The following KIF3B variants were observed in gnomAD, a reference collection of about 807,000 sequenced individuals.
KIF3B encodes kinesin family member 3B, also known as kinesin-like protein KIF3B.
A neutral mutation model predicts 74.3 loss-of-function variants in KIF3B; 38 were observed. That is an observed-to-expected ratio of 0.51 (90% CI 0.39 to 0.67). The LOEUF (loss-of-function observed/expected upper bound fraction) is 0.67, where lower values mean the gene tolerates loss of function less well. Ranked by LOEUF, KIF3B falls within the 30% of genes least tolerant of loss-of-function variation. The pLI, the probability that KIF3B is intolerant of heterozygous loss-of-function variation, is 0.00. For synonymous variants in KIF3B, 326 were observed against 342.5 expected (o/e 0.95, Z 0.53); for missense variants, 649 against 932.0 (o/e 0.70, Z 3.95).
At chr20:32,296,392 C>T (rs193186764) in intron 1 of KIF3B, among the ~76,000 whole-genome samples, 33 of 152,016 alleles carry the variant, frequency 2.2e-4, no homozygotes, top group African/African-American at 8.0e-4. Context: ...CACCTGAGGC[C>T]GGGAGTTCAA....
chr20:32,326,683 C>G (rs1040238249), intron 5 of KIF3B, 88 bp from the exon 6 acceptor site: 1 of 679,974 alleles, frequency 1.5e-6, no homozygotes, highest in African/African-American at 1.8e-5. Context: ...TTGACTCTTA[C>G]CTGATTACTC....
intron 7 of KIF3B, 43 bp downstream of exon 7, chr20:32,327,704 G>A (rs1274884702): frequency 6.8e-7 from 1 of 1,476,994 alleles, no homozygotes; most frequent in African/African-American, 1.4e-5. Context: ...CTCTTTTGGA[G>A]TCTAGATTTG....
At chr20:32,291,309 A>T (rs1417980266) in intron 1 of KIF3B, among the ~76,000 whole-genome samples, 1 of 152,062 alleles carries the variant, frequency 6.6e-6, no homozygotes, top group Non-Finnish European at 1.5e-5. Flanking sequence ...CATTGGTTAG[A>T]GGGTGATTTT....
chr20:32,310,904 G>T lies in KIF3B; in HGVS notation c.1127G>T (p.Arg376Met), dbSNP rs2047796734. 6.2e-7 allele frequency: 1 copy of T among 1,613,890 alleles called. No individual in the cohort carries two copies. The highest frequency in any genetic ancestry group is 8.5e-7 in the Non-Finnish European group (1 of 1,180,006). Reference protein sequence around the residue: ...KAQLEKRSIGRRKRREKRREG... With the variant: ...KAQLEKRSIGMRKRREKRREG... ...CAGCTGGAAAAACGGTCCATTGGTA[G>T]GAGGAAGAGGCGAGAGAAGCGGAGG... The change falls in exon 2 of 9, where the codon AGG becomes ATG. Residue 376 changes from arginine (R) to methionine (M), a missense_variant. Around this residue, in one of 4 missense-constraint regions of KIF3B, gnomAD observed 363 missense variants for 592.8 expected, o/e 0.61. Coordinates refer to ENST00000375712, the MANE Select transcript of KIF3B (RefSeq NM_004798.4). This position sits in a 1 kb window ranked among gnomAD's most constrained non-coding sequence, Gnocchi z 6.5.
intron 1 of KIF3B, among the ~76,000 whole-genome samples, chr20:32,286,812 A>G (rs2047669193): frequency 6.6e-6 from 1 of 152,178 alleles, no homozygotes; most frequent in Non-Finnish European, 1.5e-5. Flanking sequence ...ATTATGAGTA[A>G]TGCTTCAGAG....
Position 32,292,784 on chromosome 20 carries a change from T to C in KIF3B, c.-66+15019T>C, listed in dbSNP as rs368449009. On this transcript the variant is annotated intron_variant, in intron 1 of 8. Coordinates refer to ENST00000375712, the MANE Select transcript of KIF3B (RefSeq NM_004798.4). Reference sequence around the variant, plus strand: ...GAAAAACAACAGAATGTGAAGACCTTGACTCTTAAAAAACAATAGAATGTG... The same window carrying C: ...GAAAAACAACAGAATGTGAAGACCTCGACTCTTAAAAAACAATAGAATGTG... 7.9e-4 allele frequency among the ~76,000 whole-genome samples: 120 copies of C among 151,432 alleles called. 1 individual carries two copies. The highest frequency in any genetic ancestry group is 2.8e-3 in the African/African-American group (114 of 41,238).
At chr20:32,283,207 A>T (rs995019071) in intron 1 of KIF3B, among the ~76,000 whole-genome samples, 9 of 151,130 alleles carry the variant, frequency 6.0e-5, no homozygotes, top group South Asian at 2.1e-4. Flanking sequence ...TGGCTAATTT[A>T]AAAAAAAATG....
At chr20:32,316,028 G>A (rs1470629880) in intron 2 of KIF3B, among the ~76,000 whole-genome samples, 190 bp from the exon 3 acceptor site, 2 of 152,132 alleles carry the variant, frequency 1.3e-5, no homozygotes, top group Non-Finnish European at 2.9e-5. Flanking sequence ...TTACCAAGAA[G>A]CCTCTAGTGA....
intron 1 of KIF3B, among the ~76,000 whole-genome samples, chr20:32,304,445 T>C (rs1330347004): frequency 6.6e-6 from 1 of 152,228 alleles, no homozygotes; most frequent in Non-Finnish European, 1.5e-5. Context: ...GCAATTCCAC[T>C]TCTAGGAATT....
At position 32,326,802 on chromosome 20, in the gene KIF3B, G is replaced by A. The variant is rs775525939; in HGVS notation, c.1780G>A (p.Glu594Lys). The change falls in exon 6 of 9, where the codon GAA (glutamate) becomes AAA (lysine). Residue 594 changes from glutamate (E) to lysine (K), a missense_variant. Glu to Lys is a moderately conservative substitution (Grantham distance 56). Coordinates refer to ENST00000375712, the MANE Select transcript of KIF3B (RefSeq NM_004798.4). The stretch of plus-strand genomic sequence containing the variant: ...TATTATAGAAAACTTTATCCCTCTG[G>A]AAGAAAAAAGTAAAATTATGAATAG... ...HLIIENFIPL[E>K]EKSKIMNRAF... 6 of 1,562,616 alleles carry A rather than the reference G, an allele frequency of 3.8e-6. No individual in the cohort carries two copies. The African/African-American group carries it at 8.2e-5, about 21-fold the overall frequency.
intron 1 of KIF3B, among the ~76,000 whole-genome samples, chr20:32,303,295 T>A (rs955952572): frequency 6.6e-6 from 1 of 152,234 alleles, no homozygotes; most frequent in Non-Finnish European, 1.5e-5. Context: ...GTGGGCGCTG[T>A]GGCTCATGCC....
chr20:32,316,262 T>C lies in KIF3B; in HGVS notation c.1449T>C (p.Asp483=). 2.5e-6 allele frequency: 4 copies of C among 1,613,506 alleles called. No individual in the cohort carries two copies. The highest frequency in any genetic ancestry group is 3.4e-6 in the Non-Finnish European group (4 of 1,179,438). Residue 483 remains aspartate (D), a synonymous_variant, in exon 3 of 9, where the codon GAT becomes GAC. Coordinates refer to ENST00000375712, the MANE Select transcript of KIF3B (RefSeq NM_004798.4). ...KLLVGGKNIV[D]HTNEQQKILE... ...TTGTTGGAGGAAAAAATATAGTAGATCATACGAATGAACAGCAGAAAATCC... is the reference window on the plus strand; with the variant it reads ...TTGTTGGAGGAAAAAATATAGTAGACCATACGAATGAACAGCAGAAAATCC...
intron 1 of KIF3B, among the ~76,000 whole-genome samples, chr20:32,293,189 C>T (rs1346212436): frequency 6.6e-6 from 1 of 150,458 alleles, no homozygotes; most frequent in Non-Finnish European, 1.5e-5. Context: ...AGGAGGTTGA[C>T]GTTGCAGTGA....
chr20:32,323,923 A>G (rs2047890195), intron 5 of KIF3B, among the ~76,000 whole-genome samples: 1 of 151,994 alleles, frequency 6.6e-6, no homozygotes, highest in South Asian at 2.1e-4. Context: ...CTTGTTGAAA[A>G]GACTGAATCA....
At chr20:32,319,345 G>A (rs942012020) in intron 5 of KIF3B, among the ~76,000 whole-genome samples, 2 of 151,632 alleles carry the variant, frequency 1.3e-5, no homozygotes, top group African/African-American at 2.4e-5. Context: ...CTTCATTATA[G>A]TTTTGATTTG....
intron 1 of KIF3B, among the ~76,000 whole-genome samples, chr20:32,285,034 C>T (rs773151134): frequency 6.8e-6 from 1 of 147,592 alleles, no homozygotes; most frequent in Non-Finnish European, 1.5e-5. Flanking sequence ...GCAGTGACCA[C>T]ATCTTAGCTG....
At chr20:32,292,045 C>G (rs2047694057) in intron 1 of KIF3B, among the ~76,000 whole-genome samples, 1 of 152,096 alleles carries the variant, frequency 6.6e-6, no homozygotes, top group African/African-American at 2.4e-5. Flanking sequence ...AAGTGATCCT[C>G]CCAACTTAGC....
At chr20:32,296,145 G>A (rs1038917330) in intron 1 of KIF3B, among the ~76,000 whole-genome samples, 2 of 151,644 alleles carry the variant, frequency 1.3e-5, no homozygotes, top group South Asian at 2.1e-4. Flanking sequence ...TTACAGGTGT[G>A]AGCCACCACA....
At position 32,306,284 on chromosome 20, in the gene KIF3B, T is replaced by C. The variant is rs1173285420; in HGVS notation, c.-65-3429T>C. Among the ~76,000 whole-genome samples the C allele has an allele frequency of 2.0e-5, 3 of 151,168 alleles. No individual in the cohort carries two copies. In the Admixed American group the frequency reaches 2.0e-4, roughly 10 times the overall value. On this transcript the variant is annotated intron_variant, in intron 1 of 8. Coordinates refer to ENST00000375712, the MANE Select transcript of KIF3B (RefSeq NM_004798.4). Reference sequence around the variant, plus strand: ...GGTGGCATGTGCCTGTAATCCCAGCTACTAGGGAGGCTGAGGCAGGTGAAT... The same window carrying C: ...GGTGGCATGTGCCTGTAATCCCAGCCACTAGGGAGGCTGAGGCAGGTGAAT...
Sources: gnomAD v4.1 joint callset for allele counts (sites outside exome capture counted in the v4.1 genomes callset) on GRCh38, gnomAD v4.1.1 for gene constraint, gnomAD v4.1.1 regional missense constraint, Gnocchi (gnomAD v3.1) non-coding constraint, MANE v1.5 for transcripts, NCBI Gene and HGNC (gene_info 2026-07-23, HGNC 2026-07-21) for gene names.